The following FBXW4 variants were observed in gnomAD, a reference collection of about 807,000 sequenced individuals.
FBXW4 encodes F-box/WD repeat-containing protein 4.
A neutral mutation model predicts 61.8 loss-of-function variants in FBXW4; 40 were observed. That is an observed-to-expected ratio of 0.65 (90% confidence interval 0.50 to 0.84). The LOEUF (loss-of-function observed/expected upper bound fraction) is 0.84, where lower values mean the gene tolerates loss of function less well. FBXW4 is among the 40% of genes least tolerant of loss of function. The pLI, the probability that FBXW4 is intolerant of heterozygous loss-of-function variation, is 0.00. For missense variants in FBXW4, 672 were observed against 753.8 expected (o/e 0.89, Z 1.27); for synonymous variants, 311 against 313.8 (o/e 0.99, Z 0.10).
At chr10:101,648,467 A>C (rs1390508499) in intron 5 of FBXW4, among the ~76,000 whole-genome samples, 1 of 152,198 alleles carries the variant, frequency 6.6e-6, no homozygotes, top group Non-Finnish European at 1.5e-5. Flanking sequence ...CCTGGATCAG[A>C]GTTTTCTGGG....
intron 1 of FBXW4, chr10:101,676,711 G>GAAAAAAAAA (rs56232127): frequency 3.9e-4 from 25 of 64,752 alleles, no homozygotes; most frequent in East Asian, 2.9e-3. Context: ...TCCAGATTGG[G>GAAAAAAAAA]AAAAAAAAAA....
chr10:101,615,860 C>T (rs2063823463), intron 6 of FBXW4, among the ~76,000 whole-genome samples: 1 of 152,172 alleles, frequency 6.6e-6, no homozygotes, highest in African/African-American at 2.4e-5. Flanking sequence ...CCCACCAAGT[C>T]TGCAGAGCTA....
chr10:101,617,077 A>G (rs1467406508), intron 6 of FBXW4, among the ~76,000 whole-genome samples: 4 of 152,186 alleles, frequency 2.6e-5, no homozygotes, highest in African/African-American at 4.8e-5. Context: ...GTGGCAGAGT[A>G]GCCACCGCAG....
intron 6 of FBXW4, among the ~76,000 whole-genome samples, chr10:101,615,614 C>G (rs567657777): frequency 2.6e-5 from 4 of 152,200 alleles, no homozygotes; most frequent in African/African-American, 9.6e-5. Context: ...TCAGGGCCCC[C>G]TGGCCCAAAC....
intron 1 of FBXW4, among the ~76,000 whole-genome samples, chr10:101,681,719 A>AATAATAATG (rs2064479440): frequency 5.4e-5 from 1 of 18,488 alleles, no homozygotes; most frequent in Admixed American, 5.9e-4. Context: ...TCCGTCTCAA[A>AATAATAATG]ATAATAATAA....
intron 6 of FBXW4, among the ~76,000 whole-genome samples, chr10:101,623,329 C>T (rs2063882789): frequency 6.6e-6 from 1 of 152,048 alleles, no homozygotes; most frequent in East Asian, 1.9e-4. Context: ...GGGAGGATTG[C>T]TTGAGGCCAG....
rs1264280567 is a variant in FBXW4, at chr10:101,612,477, A to C, written c.1302T>G (p.Ser434Arg). ...FSPLRIWDLNSGQLMTHLGSD... is the reference protein window; with the variant it reads ...FSPLRIWDLNRGQLMTHLGSD... ...TGCCCAAGTGTGTCATCAGCTGCCC[A>C]CTGGGAAGGGAAGGACGGAGTGAGA... The change falls in exon 7 of 9, where the codon AGT becomes AGG. Residue 434 changes from serine (S) to arginine (R), a missense_variant and splice_region_variant. Ser to Arg is a moderately radical substitution (Grantham distance 110). This residue lies in a region of FBXW4 where 312 missense variants were observed against 370.1 expected (regional missense o/e 0.84). Coordinates refer to ENST00000331272, the MANE Select transcript of FBXW4 (RefSeq NM_022039.4). 1 of 1,565,846 alleles carries C rather than the reference A, an allele frequency of 6.4e-7. No homozygotes were observed. Among genetic ancestry groups the C allele is most frequent in the Admixed American group, 1.8e-5 (1 of 55,270 alleles).
chr10:101,682,774 A>ATCC (rs985564017), intron 1 of FBXW4, among the ~76,000 whole-genome samples: 38 of 152,244 alleles, frequency 2.5e-4, no homozygotes, highest in African/African-American at 8.2e-4. Flanking sequence ...AGGTGCAGGC[A>ATCC]TCCTCTCCCA....
chr10:101,655,356 G>T (rs1263043198), intron 5 of FBXW4, among the ~76,000 whole-genome samples: 1 of 152,166 alleles, frequency 6.6e-6, no homozygotes, highest in African/African-American at 2.4e-5. Context: ...CCGGACCAAA[G>T]ACTTCTAACA....
At chr10:101,620,720 C>T (rs1319281020) in intron 6 of FBXW4, among the ~76,000 whole-genome samples, 4 of 152,166 alleles carry the variant, frequency 2.6e-5, no homozygotes, top group African/African-American at 9.7e-5. Flanking sequence ...TCAAGCGATC[C>T]TACTGCCTCA....
At chr10:101,666,239 G>A (rs557550430) in intron 5 of FBXW4, among the ~76,000 whole-genome samples, 18 of 152,170 alleles carry the variant, frequency 1.2e-4, no homozygotes, top group Admixed American at 5.2e-4. Flanking sequence ...TTTGAACAGC[G>A]ACAGGTTTAT....
chr10:101,675,874 C>T (rs543259591), intron 2 of FBXW4, among the ~76,000 whole-genome samples: 11 of 152,238 alleles, frequency 7.2e-5, no homozygotes, highest in Admixed American at 2.6e-4. Context: ...TTAGATCCTA[C>T]CCTGCCTTTT....
chr10:101,694,625 C>G lies in FBXW4; in HGVS notation c.481G>C (p.Gly161Arg). 1 of 1,430,260 alleles carries G rather than the reference C, an allele frequency of 7.0e-7. No individual in the cohort carries two copies. 88.6% of individuals were successfully genotyped at this position (1,430,260 alleles called of 1,614,324 possible). ...GTGVAMAAAA[G>R]EEEEEEEAAR... ...GCCTCCTCCTCCTCCTCCTCCTCCC[C>G]GGCCGCCGCCGCCATGGCCACCCCT... The change falls in exon 1 of 9, where the codon GGG becomes CGG. Residue 161 changes from glycine to arginine, a missense_variant. Coordinates refer to ENST00000331272, the MANE Select transcript of FBXW4 (RefSeq NM_022039.4). This position sits in a 1 kb window ranked among gnomAD's most constrained non-coding sequence, Gnocchi z 6.0.
At chr10:101,675,071 A>C (rs1337639325) in intron 2 of FBXW4, among the ~76,000 whole-genome samples, 1 of 152,228 alleles carries the variant, frequency 6.6e-6, no homozygotes, top group Non-Finnish European at 1.5e-5. Context: ...GGAATGTGGA[A>C]AAGTTCTGCA....
chr10:101,638,852 G>A (rs888902776), intron 5 of FBXW4, among the ~76,000 whole-genome samples: 2 of 152,190 alleles, frequency 1.3e-5, no homozygotes, highest in African/African-American at 4.8e-5. Flanking sequence ...GAGAATTCCA[G>A]TTTTCCGGCA....
intron 5 of FBXW4, among the ~76,000 whole-genome samples, chr10:101,642,386 ATTTTT>A (rs11287325): frequency 4.1e-5 from 6 of 147,144 alleles, no homozygotes; most frequent in Non-Finnish European, 9.0e-5. Context: ...CCCTATCTCT[ATTTTT>A]TTTTTTAATT....
chr10:101,627,991 G>A (rs1489158191), intron 5 of FBXW4: 2 of 985,248 alleles, frequency 2.0e-6, no homozygotes, highest in Admixed American at 6.1e-5. Context: ...TAACCTGTTC[G>A]ATTTGAATCC....
intron 5 of FBXW4, chr10:101,627,933 A>G: frequency 3.0e-6 from 3 of 985,178 alleles, no homozygotes; most frequent in Non-Finnish European, 3.6e-6. Flanking sequence ...CACTGGCCTC[A>G]GTTCTCTAAC....
intron 5 of FBXW4, among the ~76,000 whole-genome samples, chr10:101,641,642 A>AAAACAAAAC (rs2064054506): frequency 1.3e-5 from 2 of 151,322 alleles, no homozygotes; most frequent in Non-Finnish European, 3.0e-5. Flanking sequence ...AAAAAAAAAC[A>AAAACAAAAC]AAACAATACA....
Sources: gnomAD v4.1 joint callset for allele counts (sites outside exome capture counted in the v4.1 genomes callset) on GRCh38, gnomAD v4.1.1 for gene constraint, gnomAD v4.1.1 regional missense constraint, Gnocchi (gnomAD v3.1) non-coding constraint, MANE v1.5 for transcripts, NCBI Gene and HGNC (gene_info 2026-07-23, HGNC 2026-07-21) for gene names.